IRF4: variants seen among roughly 807,000 people sequenced by gnomAD.
The protein encoded by IRF4 is interferon regulatory factor 4, also known as lymphocyte-specific interferon regulatory factor.
Under a neutral mutation model 55.5 loss-of-function variants are expected in IRF4, and 13 were observed. That is an observed-to-expected ratio of 0.23 (90% CI 0.15 to 0.37). IRF4 has a LOEUF of 0.37. IRF4 is among the 10% of genes least tolerant of loss of function. IRF4 has a pLI of 1.00. For synonymous variants in IRF4, 249 were observed against 240.7 expected, an observed-to-expected ratio of 1.03 and a Z score of -0.32; for missense variants, 397 against 593.8, an observed-to-expected ratio of 0.67 and a Z score of 3.44.
Position 409,791 on chromosome 6 carries a change from G to A in IRF4, c.*2193G>A. On this transcript the variant is annotated 3_prime_UTR_variant, in exon 9 of 9. Transcript: ENST00000380956. Reference sequence around the variant, plus strand: ...ATTTAACCCCACACAGCACTTCAAAGAAGCTGTCTTGGAAGTCTGTCTCAG... The same window carrying A: ...ATTTAACCCCACACAGCACTTCAAAAAAGCTGTCTTGGAAGTCTGTCTCAG... The A allele has an allele frequency of 4.4e-6, 1 of 228,464 alleles. No individual in the cohort carries two copies. The highest frequency in any genetic ancestry group is 8.7e-6 in the Non-Finnish European group (1 of 115,418). The allele number at this position is 228,464 out of a possible 1,614,324, so 14.2% of individuals were successfully genotyped here.
chr6:406,954 TCTC>T (rs1761562929), intron 8 of IRF4: 11 of 985,324 alleles, frequency 1.1e-5, no homozygotes, highest in Non-Finnish European at 1.1e-5. Context: ...CCAGTTAGCT[TCTC>T]TTTTTCCACA....
Position 407,623 on chromosome 6 carries a change from T to C in IRF4, c.*25T>C, listed in dbSNP as rs778312933. ...AAAAATGTCAAGATGAGTGGTTTTC[T>C]TTTTCCTTTTTTTTTTTTTTTTTTT... On this transcript the variant is annotated 3_prime_UTR_variant, in exon 9 of 9. Transcript: ENST00000380956. 3 of 1,569,426 alleles carry C rather than the reference T, an allele frequency of 1.9e-6. No homozygotes were observed. The highest frequency in any genetic ancestry group is 2.6e-6 in the Non-Finnish European group (3 of 1,160,248).
intron 7 of IRF4, among the ~76,000 whole-genome samples, chr6:404,042 G>A (rs1388662128): frequency 6.6e-6 from 1 of 152,154 alleles, no homozygotes; most frequent in Admixed American, 6.5e-5. Flanking sequence ...GGAGATCTTT[G>A]ATATCTTCCT....
At position 393,028 on chromosome 6, in the gene IRF4, C is replaced by A; in HGVS notation, c.-55-70C>A. 2.3e-6 allele frequency: 2 copies of A among 874,470 alleles called. No homozygotes were observed. Among genetic ancestry groups the A allele is most frequent in the Non-Finnish European group, 3.4e-6 (2 of 583,236 alleles). The allele number at this position is 874,470 out of a possible 1,614,324, so 54.2% of individuals were successfully genotyped here. A position where few individuals can be genotyped will look rare whatever the true frequency, so the allele number is the denominator to read the frequency against. On this transcript the variant is annotated intron_variant, in intron 1 of 8. Transcript: ENST00000380956. The surrounding 1 kb of genome is among the most constrained non-coding windows in gnomAD (Gnocchi z 5.4). ...GACTCCGGGGCCTCGTGGTCACTGG[C>A]GCAGGGGATCGGGGCGGGGTGCCCG...
rs908482827 is a variant in IRF4, at chr6:409,476, C to T, written c.*1878C>T. 3 of 212,286 alleles carry T rather than the reference C, an allele frequency of 1.4e-5. No individual in the cohort carries two copies. Among genetic ancestry groups the T allele is most frequent in the Non-Finnish European group, 1.9e-5 (2 of 104,654 alleles). The allele number at this position is 212,286 out of a possible 1,614,324, so 13.2% of individuals were successfully genotyped here. A position where few individuals can be genotyped will look rare whatever the true frequency, so the allele number is the denominator to read the frequency against. ...GAAAACCTCATGGAGTCATCTTGCA[C>T]ACACTTTCATGCAGTGCTCTTTGTA... On this transcript the variant is annotated 3_prime_UTR_variant, in exon 9 of 9. Transcript: ENST00000380956.
At position 408,117 on chromosome 6, in the gene IRF4, A is replaced by T. The variant is rs1761599080; in HGVS notation, c.*519A>T. ...GTTGTAGATTAGGTCTTGCTGGAAGACAGAGAAAACTTGCCTTTCAGTATT... is the reference window on the plus strand; with the variant it reads ...GTTGTAGATTAGGTCTTGCTGGAAGTCAGAGAAAACTTGCCTTTCAGTATT... On this transcript the variant is annotated 3_prime_UTR_variant, in exon 9 of 9. Transcript: ENST00000380956. 1 of 240,904 alleles carries T rather than the reference A, an allele frequency of 4.2e-6. No homozygotes were observed. Among genetic ancestry groups the T allele is most frequent in the Admixed American group, 5.5e-5 (1 of 18,034 alleles). 14.9% of individuals were successfully genotyped at this position (240,904 alleles called of 1,614,324 possible).
intron 5 of IRF4, 63 bp downstream of exon 5, chr6:397,315 C>T (rs1190308784): frequency 8.3e-6 from 13 of 1,572,904 alleles, no homozygotes; most frequent in East Asian, 2.2e-5. Flanking sequence ...TGGGCCATGG[C>T]GAATCCTGGT....
Position 408,007 on chromosome 6 carries a change from G to T in IRF4, c.*409G>T. ...GGAAGGGTGGCTTTGCATTTCTTGT[G>T]TTCTGTAGACTGCCATCATTGATGA... On this transcript the variant is annotated 3_prime_UTR_variant, in exon 9 of 9. Transcript: ENST00000380956. 1 of 290,300 alleles carries T rather than the reference G, an allele frequency of 3.4e-6. No homozygotes were observed. The highest frequency in any genetic ancestry group is 6.5e-6 in the Non-Finnish European group (1 of 154,950). 18.0% of individuals were successfully genotyped at this position (290,300 alleles called of 1,614,324 possible).
At chr6:404,946 C>A in intron 7 of IRF4, 72 bp from the exon 8 acceptor site, 1 of 938,236 alleles carries the variant, frequency 1.1e-6, no homozygotes, top group Non-Finnish European at 1.7e-6. Context: ...TAAGCTCTTG[C>A]TTCCTGTTTA....
At chr6:395,080 A>G (rs1258011212) in intron 3 of IRF4, 73 bp downstream of exon 3, 74 of 1,195,568 alleles carry the variant, frequency 6.2e-5, no homozygotes, top group Non-Finnish European at 8.5e-5. Flanking sequence ...CTTCATTCTG[A>G]GCATCACTTT....
chr6:408,934 T>C lies in IRF4; in HGVS notation c.*1336T>C, dbSNP rs937145451. On this transcript the variant is annotated 3_prime_UTR_variant, in exon 9 of 9. Coordinates refer to ENST00000380956, the MANE Select transcript of IRF4 (RefSeq NM_002460.4). ...GGCTTTTTCCAAATGCTTCTATTTA[T>C]AGAATCCCAAAGACCTCCACTTGCT... The C allele has an allele frequency of 1.3e-5, 3 of 229,204 alleles. No individual in the cohort carries two copies. The highest frequency in any genetic ancestry group is 2.6e-5 in the Non-Finnish European group (3 of 115,476). The allele number at this position is 229,204 out of a possible 1,614,324, so 14.2% of individuals were successfully genotyped here.
rs145752540 is a variant in IRF4 at position 409,633 on chromosome 6, G to A, written c.*2035G>A. 509 of 221,056 alleles carry A rather than the reference G, an allele frequency of 2.3e-3. 9 individuals carry two copies. In the Admixed American group the frequency reaches 0.026, roughly 11 times the overall value. 13.7% of individuals were successfully genotyped at this position (221,056 alleles called of 1,614,324 possible). ...TGTATTGGGCAGCAGACTGTGTTTC[G>A]TGAACTGCAGTGATGTATACATCTT... On this transcript the variant is annotated 3_prime_UTR_variant, in exon 9 of 9. Transcript: ENST00000380956.
In IRF4 at chr6:393,698, C is replaced by T. The variant is rs560954740; in HGVS notation, c.216+330C>T. Reference sequence around the variant, plus strand: ...GCGTTCTCGTTTCCACGCAAGCCTCCCGCCCTTCCTCCGGGCTCCCGTCTG... The same window carrying T: ...GCGTTCTCGTTTCCACGCAAGCCTCTCGCCCTTCCTCCGGGCTCCCGTCTG... On this transcript the variant is annotated intron_variant, in intron 2 of 8. Transcript: ENST00000380956. The surrounding 1 kb of genome is among the most constrained non-coding windows in gnomAD (Gnocchi z 5.4). Among the ~76,000 whole-genome samples, 19 of 152,268 alleles carry T rather than the reference C, an allele frequency of 1.2e-4. No individual in the cohort carries two copies. The highest frequency in any genetic ancestry group is 4.6e-4 in the African/African-American group (19 of 41,562).
rs61732392 is a variant in IRF4, at chr6:401,509, C to T, written c.831C>T (p.Ser277=). Residue 277 remains serine, a synonymous_variant, in exon 7 of 9, where the codon TCC becomes TCT. Coordinates refer to ENST00000380956, the MANE Select transcript of IRF4 (RefSeq NM_002460.4). The part of the protein sequence containing the change: ...TTSSPEGCRI[S]HGHTYDASNL... ...CCAGCCCCGAGGGCTGCCGGATCTC[C>T]CATGGACATACGTATGACGCCAGCA... 22,308 of 1,614,022 alleles carry T rather than the reference C, an allele frequency of 0.014. 179 individuals are homozygous for T. The highest frequency in any genetic ancestry group is 0.016 in the Non-Finnish European group (18,363 of 1,180,012).
chr6:404,162 C>G (rs1581230034), intron 7 of IRF4, among the ~76,000 whole-genome samples: 1 of 152,168 alleles, frequency 6.6e-6, no homozygotes, highest in Non-Finnish European at 1.5e-5. Flanking sequence ...TGTGTCAACT[C>G]GTTTCTTTTG....
intron 5 of IRF4, among the ~76,000 whole-genome samples, chr6:397,713 G>A (rs1761303438): frequency 6.6e-6 from 1 of 152,214 alleles, no homozygotes; most frequent in South Asian, 2.1e-4. Context: ...CTCTACAGGT[G>A]CCTACCTACC....
intron 5 of IRF4, 48 bp from the exon 6 acceptor site, chr6:398,780 G>A (rs763840464): frequency 7.0e-6 from 10 of 1,433,388 alleles, no homozygotes; most frequent in African/African-American, 4.2e-5. Context: ...CCCGCGGTGC[G>A]TCGGACTCTC....
rs1180900512 is a variant in IRF4 at position 393,388 on chromosome 6, G to A, written c.216+20G>A. ...TTCAAGGTCTCCGGCCTCGGGAGCC[G>A]GCGGGGGCGCGCCGGGGAGGGCCCA... On this transcript the variant is annotated intron_variant, in intron 2 of 8. Transcript: ENST00000380956. The surrounding 1 kb of genome is among the most constrained non-coding windows in gnomAD (Gnocchi z 5.4). The A allele has an allele frequency of 1.9e-6, 3 of 1,542,592 alleles. No individual in the cohort carries two copies. In the South Asian group the frequency reaches 3.6e-5, roughly 19 times the overall value.
At chr6:400,090 C>T (rs772646388) in intron 6 of IRF4, among the ~76,000 whole-genome samples, 47 of 152,008 alleles carry the variant, frequency 3.1e-4, no homozygotes, top group African/African-American at 6.5e-4. Flanking sequence ...CTCTTTGGGG[C>T]GCACTGTCTG....
Sources: gnomAD v4.1 joint callset for allele counts (sites outside exome capture counted in the v4.1 genomes callset) on GRCh38, gnomAD v4.1.1 for gene constraint, Gnocchi (gnomAD v3.1) non-coding constraint, MANE v1.5 for transcripts, NCBI Gene and HGNC (gene_info 2026-07-23, HGNC 2026-07-21) for gene names.